The following CAPRIN2 variants were observed in gnomAD, a reference collection of about 807,000 sequenced individuals.
The protein encoded by CAPRIN2 is caprin family member 2.
Under a neutral mutation model 130.4 loss-of-function variants are expected in CAPRIN2, and 66 were observed. The ratio of observed to expected loss-of-function variants is 0.51; its 90% CI spans 0.42 to 0.62. CAPRIN2 has a LOEUF of 0.62. Among genes scored for constraint, CAPRIN2 ranks in the 20% least tolerant of loss-of-function variants. The probability of loss-of-function intolerance (pLI) is 0.00; values close to 1 mark genes in which losing one functional copy is unlikely to be tolerated. For missense variants in CAPRIN2, 1,185 were observed against 1,246.6 expected, an observed-to-expected ratio of 0.95 and a Z score of 0.74; for synonymous variants, 471 against 444.1, an observed-to-expected ratio of 1.06 and a Z score of -0.76.
chr12:30,736,765 A>G (rs756240478), intron 3 of CAPRIN2, among the ~76,000 whole-genome samples: 2 of 152,330 alleles, frequency 1.3e-5, no homozygotes, highest in Non-Finnish European at 2.9e-5. Context: ...ACACTTACCA[A>G]AACTACAGGA....
chr12:30,739,572 A>G (rs1241139545), intron 3 of CAPRIN2, among the ~76,000 whole-genome samples: 1 of 152,208 alleles, frequency 6.6e-6, no homozygotes, highest in African/African-American at 2.4e-5. Flanking sequence ...AAGTTTTCTT[A>G]AAAAGAATAA....
At chr12:30,714,832 C>A in intron 14 of CAPRIN2, 127 bp downstream of exon 16, 1 of 640,296 alleles carries the variant, frequency 1.6e-6, no homozygotes, top group South Asian at 2.6e-5. Context: ...CTTTATTATC[C>A]ACAAACAGGA....
chr12:30,745,692 A>G (rs191644996), intron 2 of CAPRIN2, among the ~76,000 whole-genome samples: 1 of 152,296 alleles, frequency 6.6e-6, no homozygotes, highest in East Asian at 1.9e-4. Context: ...AATTTTCACA[A>G]TTTGAAAAAG....
chr12:30,713,894 TAAAC>T lies in CAPRIN2; in HGVS notation c.2501-13_2501-10del, dbSNP rs751760578. 15 of 1,435,704 alleles carry T rather than the reference TAAAC, an allele frequency of 1.0e-5. No individual in the cohort carries two copies. Among genetic ancestry groups the T allele is most frequent in the East Asian group, 4.6e-5 (2 of 43,802 alleles). 88.9% of individuals were successfully genotyped at this position (1,435,704 alleles called of 1,614,324 possible). On this transcript the variant is annotated splice_polypyrimidine_tract_variant and intron_variant, in intron 14 of 16. Coordinates refer to ENST00000298892, the Ensembl canonical transcript of CAPRIN2. ...TCTATAAGTATCAAAACCTAATAAATAAACAAACTTACATAAGATTATGGACAAA... is the reference window on the plus strand; with the variant it reads ...TCTATAAGTATCAAAACCTAATAAATAAACTTACATAAGATTATGGACAAA...
chr12:30,742,908 C>A (rs541186524), intron 2 of CAPRIN2, among the ~76,000 whole-genome samples: 11 of 152,092 alleles, frequency 7.2e-5, no homozygotes, highest in Non-Finnish European at 1.5e-4. Context: ...CTTCCTGCTA[C>A]AGAAACAAGA....
chr12:30,724,896 A>C (rs1281854427), intron 9 of CAPRIN2, among the ~76,000 whole-genome samples: 1 of 152,144 alleles, frequency 6.6e-6, no homozygotes, highest in Non-Finnish European at 1.5e-5. Context: ...CAGGAGGCTA[A>C]AACAAGAGGA....
intron 14 of CAPRIN2, 61 bp downstream of exon 16, chr12:30,714,897 GT>G: frequency 7.4e-7 from 1 of 1,360,330 alleles, no homozygotes; most frequent in Non-Finnish European, 1.0e-6. Context: ...TAAAAATGGT[GT>G]GAGTCAAGTA....
rs1287767238 is a variant in CAPRIN2 at position 30,748,662 on chromosome 12, T to G, written c.483+2409A>C. On this transcript the variant is annotated intron_variant, in intron 2 of 16. Transcript: ENST00000298892. ...ACTGGTAACAATTCTCTGAAGATTC[T>G]ATTTTTTTTTCCTTCTGACTTATCT... Among the ~76,000 whole-genome samples the G allele has an allele frequency of 3.9e-5, 6 of 152,300 alleles. No individual in the cohort carries two copies. The East Asian group carries it at 1.2e-3, about 29-fold the overall frequency.
exon 8 of CAPRIN2, chr12:30,728,998 T>C (rs2061759105): frequency 7.4e-6 from 12 of 1,614,192 alleles, no homozygotes; most frequent in Non-Finnish European, 1.0e-5. Flanking sequence ...GCTTTGGATT[T>C]AGGTGTATCT....
At chr12:30,714,584 CTTCT>C (rs1181399207) in intron 14 of CAPRIN2, among the ~76,000 whole-genome samples, 6 of 92,242 alleles carry the variant, frequency 6.5e-5, no homozygotes, top group Admixed American at 2.8e-4. Context: ...ATTCTATATT[CTTCT>C]TTGTGACATA....
chr12:30,732,180 G>T (rs1375676096), intron 5 of CAPRIN2, among the ~76,000 whole-genome samples: 3 of 151,912 alleles, frequency 2.0e-5, no homozygotes, highest in African/African-American at 7.2e-5. Flanking sequence ...CTGACCATTT[G>T]ATGATCAAGA....
intron 2 of CAPRIN2, among the ~76,000 whole-genome samples, chr12:30,747,285 T>C (rs920159985): frequency 3.3e-5 from 5 of 152,194 alleles, no homozygotes; most frequent in African/African-American, 1.2e-4. Flanking sequence ...AGAGCTGTGA[T>C]GGAAATACAC....
At chr12:30,752,773 GC>G (rs34082781) in intron 1 of CAPRIN2, among the ~76,000 whole-genome samples, 70,343 of 151,454 alleles carry the variant, frequency 0.46, 16,674 homozygotes, top group Non-Finnish European at 0.49. Flanking sequence ...TGTTTCACAG[GC>G]TACATGACTC....
At chr12:30,744,830 ATACT>A (rs923071564) in intron 2 of CAPRIN2, among the ~76,000 whole-genome samples, 48 of 152,198 alleles carry the variant, frequency 3.2e-4, no homozygotes, top group African/African-American at 1.2e-3. Context: ...CCTAGAGTAG[ATACT>A]TAATATATCT....
At chr12:30,734,118 T>C (rs2063635391) in intron 4 of CAPRIN2, among the ~76,000 whole-genome samples, 1 of 152,198 alleles carries the variant, frequency 6.6e-6, no homozygotes, top group African/African-American at 2.4e-5. Flanking sequence ...TTTCATATAT[T>C]AAAGTGAAGC....
intron 11 of CAPRIN2, among the ~76,000 whole-genome samples, chr12:30,721,481 A>G (rs1422085421): frequency 2.0e-5 from 3 of 152,230 alleles, no homozygotes; most frequent in Admixed American, 6.5e-5. Flanking sequence ...TCAAGCTGAT[A>G]GCATATGTAA....
chr12:30,751,271 G>A (rs933000518), intron 1 of CAPRIN2, 138 bp from the exon 3 acceptor site: 17 of 680,942 alleles, frequency 2.5e-5, no homozygotes, highest in African/African-American at 1.1e-4. Flanking sequence ...TTTACTATAC[G>A]GCATGCAGCA....
At chr12:30,731,646 T>C (rs1201678791) in intron 5 of CAPRIN2, 136 bp from the exon 7 acceptor site, 1 of 692,506 alleles carries the variant, frequency 1.4e-6, no homozygotes, top group African/African-American at 1.8e-5. Context: ...ATCCTTACAA[T>C]AGTTTACAAC....
At position 30,711,648 on chromosome 12, in the gene CAPRIN2, A is replaced by G. The variant is rs746072081; in HGVS notation, c.2602-19T>C. Reference sequence around the variant, plus strand: ...AATTATCCTAAAGTGAACATATAATATTTACCTTGGCATCAAAAATGCAGG... The same window carrying G: ...AATTATCCTAAAGTGAACATATAATGTTTACCTTGGCATCAAAAATGCAGG... On this transcript the variant is annotated intron_variant, in intron 15 of 16. Coordinates refer to ENST00000298892, the Ensembl canonical transcript of CAPRIN2. The G allele has an allele frequency of 1.9e-6, 3 of 1,601,260 alleles. No homozygotes were observed. Among genetic ancestry groups the G allele is most frequent in the Non-Finnish European group, 2.6e-6 (3 of 1,168,278 alleles).
Sources: allele counts gnomAD v4.1 joint callset (sites outside exome capture counted in the v4.1 genomes callset), GRCh38; gene constraint gnomAD v4.1.1; transcripts MANE v1.5; gene names NCBI Gene and HGNC (gene_info 2026-07-23, HGNC 2026-07-21).